Variants in RBFOX1 observed in about 807,000 individuals in gnomAD.
The protein encoded by RBFOX1 is RNA binding fox-1 homolog 1, also known as RNA binding protein fox-1 homolog 1.
A neutral mutation model predicts 57.7 loss-of-function variants in RBFOX1; 8 were observed. That is an observed-to-expected ratio of 0.14 (90% CI 0.08 to 0.25). The LOEUF is 0.25. Ranked by LOEUF, RBFOX1 falls within the 10% of genes least tolerant of loss-of-function variation. The probability of loss-of-function intolerance (pLI) is 1.00; values close to 1 mark genes in which losing one functional copy is unlikely to be tolerated. For missense variants in RBFOX1, 611 were observed against 548.5 expected, an observed-to-expected ratio of 1.11 and a Z score of -1.14; for synonymous variants, 326 against 222.4, an observed-to-expected ratio of 1.47 and a Z score of -4.15.
At chr16:7,664,050 A>G (rs1035760790) in intron 12 of RBFOX1, among the ~76,000 whole-genome samples, 1 of 152,200 alleles carries the variant, frequency 6.6e-6, no homozygotes, top group Non-Finnish European at 1.5e-5. Context: ...GGCTTGTTCA[A>G]TCAAGGTGTG....
chr16:6,128,195 T>C (rs1488511236), intron 1 of RBFOX1, among the ~76,000 whole-genome samples: 1 of 152,238 alleles, frequency 6.6e-6, no homozygotes, highest in East Asian at 1.9e-4. Context: ...GAATAAACTT[T>C]TGATATATTG....
chr16:6,536,689 AT>A (rs762412284), intron 2 of RBFOX1, among the ~76,000 whole-genome samples: 4 of 152,000 alleles, frequency 2.6e-5, no homozygotes, highest in Non-Finnish European at 5.9e-5. Context: ...ATATCTTCAG[AT>A]TTTTATAGTA....
At chr16:6,149,702 C>T (rs1046309045) in intron 1 of RBFOX1, among the ~76,000 whole-genome samples, 12 of 152,132 alleles carry the variant, frequency 7.9e-5, no homozygotes, top group Admixed American at 7.2e-4. Context: ...TATACAGCCA[C>T]CCCCATAAGA....
chr16:5,942,182 C>T (rs894362532), intron 4 of RBFOX1, among the ~76,000 whole-genome samples: 1 of 152,072 alleles, frequency 6.6e-6, no homozygotes, highest in Non-Finnish European at 1.5e-5. Context: ...ATAGACGCAG[C>T]TAAATGGGAG....
At chr16:6,400,654 C>T (rs565172979) in intron 2 of RBFOX1, among the ~76,000 whole-genome samples, 7 of 152,290 alleles carry the variant, frequency 4.6e-5, no homozygotes, top group African/African-American at 9.6e-5. Context: ...GAGGCTGAGG[C>T]GGGCAAGTTA....
At chr16:5,508,667 G>T (rs943083287) in intron 2 of RBFOX1, among the ~76,000 whole-genome samples, 5 of 152,096 alleles carry the variant, frequency 3.3e-5, no homozygotes, top group African/African-American at 1.2e-4. Context: ...CCACACCCAA[G>T]ATGGTGGGGA....
intron 1 of RBFOX1, among the ~76,000 whole-genome samples, chr16:6,036,745 C>T (rs765260366): frequency 8.5e-5 from 13 of 152,102 alleles, no homozygotes; most frequent in East Asian, 3.8e-4. Flanking sequence ...AGATGGGAGG[C>T]ACCAGTGAAC....
At chr16:6,706,603 G>C (rs1036586015) in intron 3 of RBFOX1, among the ~76,000 whole-genome samples, 1 of 152,070 alleles carries the variant, frequency 6.6e-6, no homozygotes, top group Admixed American at 6.6e-5. Context: ...TAATAGAGTT[G>C]TACTTGTTTC....
intron 4 of RBFOX1, among the ~76,000 whole-genome samples, chr16:7,354,343 G>A (rs1416058938): frequency 6.6e-6 from 1 of 152,172 alleles, no homozygotes; most frequent in South Asian, 2.1e-4. Context: ...TGAAAACAAA[G>A]CAATGTCATC....
chr16:6,718,011 G>T (rs35517664), intron 3 of RBFOX1, among the ~76,000 whole-genome samples: 1 of 151,866 alleles, frequency 6.6e-6, no homozygotes, highest in African/African-American at 2.4e-5. Flanking sequence ...CACCACCACC[G>T]TCATCACCAC....
At chr16:5,447,606 C>T (rs2068289157) in intron 1 of RBFOX1, among the ~76,000 whole-genome samples, 2 of 152,208 alleles carry the variant, frequency 1.3e-5, no homozygotes, top group South Asian at 4.1e-4. Flanking sequence ...CCATGTTGGC[C>T]AGGCTGATGT....
intron 3 of RBFOX1, among the ~76,000 whole-genome samples, chr16:6,862,093 G>A (rs1326736746): frequency 6.6e-6 from 1 of 152,122 alleles, no homozygotes; most frequent in African/African-American, 2.4e-5. Context: ...ATGTCATTGG[G>A]CTGTGAGGGA....
intron 2 of RBFOX1, chr16:6,483,350 C>A: frequency 6.7e-7 from 1 of 1,486,926 alleles, no homozygotes; most frequent in Non-Finnish European, 8.9e-7. Context: ...TCGTGCCAGG[C>A]AGCCCGGGCG....
intron 4 of RBFOX1, among the ~76,000 whole-genome samples, chr16:5,908,128 A>ATG (rs1359693898): frequency 1.4e-5 from 2 of 139,986 alleles, no homozygotes; most frequent in African/African-American, 5.9e-5. Context: ...ATACACATAT[A>ATG]TATATACACA....
intron 3 of RBFOX1, among the ~76,000 whole-genome samples, chr16:5,642,069 G>A (rs1042283105): frequency 2.3e-4 from 35 of 152,176 alleles, no homozygotes; most frequent in Non-Finnish European, 3.4e-4. Context: ...GGAGGCCATG[G>A]TCTGGACTTA....
chr16:7,452,807 A>T (rs1239295728), intron 4 of RBFOX1, among the ~76,000 whole-genome samples: 1 of 152,164 alleles, frequency 6.6e-6, no homozygotes, highest in Non-Finnish European at 1.5e-5. Context: ...ATAACTGAAT[A>T]AAATGGTCAC....
At chr16:7,329,600 C>T (rs762338579) in intron 4 of RBFOX1, among the ~76,000 whole-genome samples, 7 of 152,108 alleles carry the variant, frequency 4.6e-5, no homozygotes, top group South Asian at 4.1e-4. Flanking sequence ...AGGTTTTGAA[C>T]GAGGACGAAG....
chr16:6,037,910 A>G (rs1340892850), intron 1 of RBFOX1: 2 of 152,038 alleles, frequency 1.3e-5, no homozygotes, highest in African/African-American at 4.8e-5. Context: ...AATGCATTTC[A>G]ATGTGCATAA....
At chr16:5,955,442 C>T (rs555730103) in intron 4 of RBFOX1, among the ~76,000 whole-genome samples, 1 of 151,618 alleles carries the variant, frequency 6.6e-6, no homozygotes, top group Non-Finnish European at 1.5e-5. Context: ...TGAGAACTAA[C>T]TATACCCTTT....
Sources: allele counts gnomAD v4.1 joint callset (sites outside exome capture counted in the v4.1 genomes callset), GRCh38; gene constraint gnomAD v4.1.1; transcripts MANE v1.5; gene names NCBI Gene and HGNC (gene_info 2026-07-23, HGNC 2026-07-21).